The following EHD4 variants were observed in gnomAD, a reference collection of about 807,000 sequenced individuals.
EHD4 encodes EH domain-containing protein 4.
Under a neutral mutation model 51.0 loss-of-function variants are expected in EHD4, and 37 were observed. The ratio of observed to expected loss-of-function variants is 0.73; its 90% CI spans 0.56 to 0.95. EHD4 has a LOEUF of 0.95. EHD4 is among the 40% of genes least tolerant of loss of function. The pLI is 0.00. For synonymous variants in EHD4, 297 were observed against 317.3 expected, an observed-to-expected ratio of 0.94 and a Z score of 0.68; for missense variants, 632 against 733.1, an observed-to-expected ratio of 0.86 and a Z score of 1.59.
At chr15:41,919,184 T>C (rs2067605605) in intron 4 of EHD4, 26 bp downstream of exon 4, 1 of 1,612,462 alleles carries the variant, frequency 6.2e-7, no homozygotes, top group Admixed American at 1.7e-5. Context: ...GCCCCTGGCC[T>C]CTGTGCAAGG....
intron 3 of EHD4, among the ~76,000 whole-genome samples, chr15:41,933,359 C>T (rs923577485): frequency 1.3e-5 from 2 of 152,168 alleles, no homozygotes; most frequent in African/African-American, 2.4e-5. Context: ...ATAACAGGAA[C>T]GGCTGATATC....
At position 41,898,977 on chromosome 15, in the gene EHD4, G is replaced by A. The variant is rs2067458037; in HGVS notation, c.*1668C>T. On this transcript the variant is annotated 3_prime_UTR_variant, in exon 6 of 6. Coordinates refer to ENST00000220325, the MANE Select transcript of EHD4 (RefSeq NM_139265.4). ...GTAGAAAGTAAGCTAGGGAGTGTAA[G>A]GGTAGGCATCTGGATATAAATGCTT... The A allele has an allele frequency of 6.6e-6, 1 of 152,188 alleles. No homozygotes were observed. The highest frequency in any genetic ancestry group is 1.5e-5 in the Non-Finnish European group (1 of 68,038). 9.4% of individuals were successfully genotyped at this position (152,188 alleles called of 1,614,324 possible).
At chr15:41,970,341 G>A (rs1188441569) in intron 1 of EHD4, among the ~76,000 whole-genome samples, 2 of 152,164 alleles carry the variant, frequency 1.3e-5, no homozygotes, top group Non-Finnish European at 2.9e-5. Context: ...TTCCTAATAA[G>A]GTGATTCCTC....
chr15:41,941,213 T>C (rs2140998329), intron 3 of EHD4, among the ~76,000 whole-genome samples: 1 of 152,334 alleles, frequency 6.6e-6, no homozygotes, highest in East Asian at 1.9e-4. Context: ...TTAACCATCA[T>C]GATGTCCACA....
At chr15:41,935,074 C>T (rs748062165) in intron 3 of EHD4, among the ~76,000 whole-genome samples, 1 of 152,190 alleles carries the variant, frequency 6.6e-6, no homozygotes, top group Non-Finnish European at 1.5e-5. Context: ...TCTGCCTTCC[C>T]CGAATCTGCC....
rs560409181 is a variant in EHD4, at chr15:41,925,095, A to G, written c.512-5473T>C. Among the ~76,000 whole-genome samples the G allele has an allele frequency of 4.0e-5, 6 of 151,596 alleles. No individual in the cohort carries two copies. The South Asian group carries it at 1.3e-3, about 32-fold the overall frequency. ...AAAAAGGTGCATTTAATCATATGTT[A>G]TACTTCAACAAAATTGACTTAAAAA... On this transcript the variant is annotated intron_variant, in intron 3 of 5. Coordinates refer to ENST00000220325, the MANE Select transcript of EHD4 (RefSeq NM_139265.4).
intron 2 of EHD4, among the ~76,000 whole-genome samples, chr15:41,944,878 A>C (rs543806928): frequency 1.3e-5 from 2 of 152,354 alleles, no homozygotes; most frequent in East Asian, 3.9e-4. Flanking sequence ...GTCTGCAGAC[A>C]CTTGTGCACA....
In EHD4 at chr15:41,940,147, C is replaced by T. The variant is rs756243898; in HGVS notation, c.511+2920G>A. Among the ~76,000 whole-genome samples the T allele has an allele frequency of 5.3e-5, 8 of 152,272 alleles. No homozygotes were observed. In the South Asian group the frequency reaches 6.2e-4, roughly 12 times the overall value. On this transcript the variant is annotated intron_variant, in intron 3 of 5. Transcript: ENST00000220325. ...CAGCTTTTGAGGGTTAATCATCAAC[C>T]GCACAAAGGGGAAAGGAGGAGCAGT... is the stretch of plus-strand genomic sequence containing the variant.
chr15:41,896,124 T>C lies in EHD4; in HGVS notation c.*4521A>G, dbSNP rs910562540. The C allele has an allele frequency of 3.9e-5, 6 of 152,100 alleles. No individual in the cohort carries two copies. Among genetic ancestry groups the C allele is most frequent in the African/African-American group, 1.4e-4 (6 of 41,402 alleles). 9.4% of individuals were successfully genotyped at this position (152,100 alleles called of 1,614,324 possible). On this transcript the variant is annotated 3_prime_UTR_variant, in exon 6 of 6. Transcript: ENST00000220325. ...GCTTACACAGTATAAAGGGAATGCA[T>C]TGGCCCACACAGTGGAAAAAAATAT... is the stretch of plus-strand genomic sequence containing the variant.
At chr15:41,950,416 C>T (rs775185482) in intron 2 of EHD4, among the ~76,000 whole-genome samples, 43 of 152,308 alleles carry the variant, frequency 2.8e-4, no homozygotes, top group African/African-American at 4.1e-4. Flanking sequence ...GAAAGTTCTC[C>T]GCAGAAAACA....
chr15:41,967,712 A>G lies in EHD4; in HGVS notation c.236+4547T>C, dbSNP rs181591965. 3.3e-5 allele frequency among the ~76,000 whole-genome samples: 5 copies of G among 152,336 alleles called. No individual in the cohort carries two copies. The East Asian group carries it at 9.6e-4, about 29-fold the overall frequency. On this transcript the variant is annotated intron_variant, in intron 1 of 5. Coordinates refer to ENST00000220325, the MANE Select transcript of EHD4 (RefSeq NM_139265.4). ...TCCCTTTTCCTTAATTACTGAGTCT[A>G]GAAACTTATCAAGGGAATGAAGCAG...
Position 41,896,881 on chromosome 15 carries a change from T to G in EHD4, c.*3764A>C, listed in dbSNP as rs1288787074. On this transcript the variant is annotated 3_prime_UTR_variant, in exon 6 of 6. Coordinates refer to ENST00000220325, the MANE Select transcript of EHD4 (RefSeq NM_139265.4). ...CTGAAGCGGCTGCATTTTGGGTTTC[T>G]CTCCACAGGAAGAGTTGGGGCTCAC... The G allele has an allele frequency of 6.6e-6, 1 of 152,130 alleles. No individual in the cohort carries two copies. Among genetic ancestry groups the G allele is most frequent in the Non-Finnish European group, 1.5e-5 (1 of 68,040 alleles). 9.4% of individuals were successfully genotyped at this position (152,130 alleles called of 1,614,324 possible).
chr15:41,968,500 G>C (rs2067976121), intron 1 of EHD4, among the ~76,000 whole-genome samples: 1 of 139,176 alleles, frequency 7.2e-6, no homozygotes, highest in Non-Finnish European at 1.5e-5. Flanking sequence ...ATGTTGCCCA[G>C]GGTGGTCTTG....
At position 41,901,163 on chromosome 15, in the gene EHD4, C is replaced by A. The variant is rs2067475510; in HGVS notation, c.1108G>T (p.Asp370Tyr). 1.9e-6 allele frequency: 3 copies of A among 1,560,312 alleles called. No homozygotes were observed. Among genetic ancestry groups the A allele is most frequent in the Non-Finnish European group, 2.6e-6 (3 of 1,154,418 alleles). ...KAMQEQLENY[D>Y]FTKFHSLKPK... ...TTCAGCGAGTGGAATTTGGTGAAGT[C>A]ATAGTTCTCAAGCTGTTCCTGCAGA... Residue 370 changes from aspartate to tyrosine, a missense_variant, in exon 6 of 6, where the codon GAC becomes TAC. Asp to Tyr is a radical substitution (Grantham distance 160, BLOSUM62 -3). Transcript: ENST00000220325.
intron 2 of EHD4, among the ~76,000 whole-genome samples, chr15:41,948,348 G>T (rs1162846705): frequency 6.6e-6 from 1 of 152,060 alleles, no homozygotes; most frequent in Non-Finnish European, 1.5e-5. Context: ...TAGGGACAAG[G>T]TCTCTCGCTA....
chr15:41,944,616 T>C (rs1566824506), intron 2 of EHD4, among the ~76,000 whole-genome samples: 1 of 152,172 alleles, frequency 6.6e-6, no homozygotes, highest in Non-Finnish European at 1.5e-5. Flanking sequence ...TTTCACACAG[T>C]CTTTCCTACA....
At chr15:41,946,450 G>A (rs886201060) in intron 2 of EHD4, among the ~76,000 whole-genome samples, 1 of 152,186 alleles carries the variant, frequency 6.6e-6, no homozygotes, top group Non-Finnish European at 1.5e-5. Flanking sequence ...AGAGAGCAAA[G>A]CCAGGCACCA....
At position 41,961,684 on chromosome 15, in the gene EHD4, T is replaced by C. The variant is rs149431649; in HGVS notation, c.237-7744A>G. 7.5e-4 allele frequency among the ~76,000 whole-genome samples: 115 copies of C among 152,356 alleles called. 2 individuals carry two copies. In the East Asian group the frequency reaches 0.02, roughly 27 times the overall value. On this transcript the variant is annotated intron_variant, in intron 1 of 5. Coordinates refer to ENST00000220325, the MANE Select transcript of EHD4 (RefSeq NM_139265.4). ...TAGAATCATTTAAATGAAATCCTTT[T>C]AAAACTAGTAATAGATAATTTCTTA...
intron 1 of EHD4, among the ~76,000 whole-genome samples, chr15:41,965,947 A>T (rs919352301): frequency 2.5e-5 from 1 of 40,592 alleles, no homozygotes; most frequent in African/African-American, 9.8e-5. Flanking sequence ...CCACCTACTC[A>T]CCTCCTGCCT....
Sources: gnomAD v4.1 joint callset for allele counts (sites outside exome capture counted in the v4.1 genomes callset) on GRCh38, gnomAD v4.1.1 for gene constraint, MANE v1.5 for transcripts, NCBI Gene and HGNC (gene_info 2026-07-23, HGNC 2026-07-21) for gene names.